EFCAB3: variants seen among roughly 807,000 people sequenced by gnomAD.
The protein encoded by EFCAB3 is EF-hand calcium binding domain 3, also known as EF-hand calcium-binding domain-containing protein 3.
In EFCAB3, 36 loss-of-function variants were observed where a neutral mutation model predicts 42.2. The observed-to-expected ratio is 0.85, with a 90% CI of 0.65 to 1.13. The LOEUF is 1.13. Ranked by LOEUF, EFCAB3 falls within the 50% of genes most tolerant of loss-of-function variation. The probability of loss-of-function intolerance (pLI) is 0.00; values close to 1 mark genes in which losing one functional copy is unlikely to be tolerated. For missense variants in EFCAB3, 418 were observed against 505.1 expected (o/e 0.83, Z 1.65); for synonymous variants, 170 against 172.8 (o/e 0.98, Z 0.13).
chr17:62,379,741 A>C (rs568125511), upstream of EFCAB3, among the ~76,000 whole-genome samples: 1 of 151,944 alleles, frequency 6.6e-6, no homozygotes, highest in Non-Finnish European at 1.5e-5. Flanking sequence ...GACTAAAGAC[A>C]CTCCTAACTC....
intron 2 of EFCAB3, among the ~76,000 whole-genome samples, chr17:62,387,043 T>G (rs1238667951): frequency 6.6e-6 from 1 of 152,220 alleles, no homozygotes; most frequent in South Asian, 2.1e-4. Context: ...CCTCTTGCCT[T>G]GACCTCCCAA....
At chr17:62,378,572 C>G (rs1309374187), upstream of EFCAB3, among the ~76,000 whole-genome samples, 1 of 152,064 alleles carries the variant, frequency 6.6e-6, no homozygotes, top group Non-Finnish European at 1.5e-5. Flanking sequence ...GTGGCACTTG[C>G]CTACTGTAGT....
rs115402083 is a variant in EFCAB3 at position 62,406,417 on chromosome 17, C to T, written c.489-63C>T. On this transcript the variant is annotated intron_variant, in intron 6 of 9. Coordinates refer to ENST00000305286, the MANE Select transcript of EFCAB3 (RefSeq NM_173503.4). ...TCAGCATATGTAACTAGCAACTTGA[C>T]TTTTTAAAATTTTTGTCCTATGTCT... The T allele has an allele frequency of 6.1e-4, 864 of 1,418,318 alleles. 2 individuals carry two copies. The African/African-American group carries it at 0.011, about 18-fold the overall frequency. 87.9% of individuals were successfully genotyped at this position (1,418,318 alleles called of 1,614,324 possible). A position where few individuals can be genotyped will look rare whatever the true frequency, so the allele number is the denominator to read the frequency against.
chr17:62,396,864 G>A (rs1348994118), intron 6 of EFCAB3, among the ~76,000 whole-genome samples: 2 of 152,142 alleles, frequency 1.3e-5, no homozygotes, highest in Non-Finnish European at 2.9e-5. Context: ...GGGCAACAGA[G>A]TGAGACCTTC....
upstream of EFCAB3, among the ~76,000 whole-genome samples, chr17:62,380,062 C>T (rs998846171): frequency 7.9e-5 from 12 of 152,288 alleles, no homozygotes; most frequent in East Asian, 3.9e-4. Context: ...AGTGCAGGGG[C>T]GTGATCTCAG....
intron 4 of EFCAB3, among the ~76,000 whole-genome samples, chr17:62,392,291 C>T (rs1392112080): frequency 6.6e-6 from 1 of 151,230 alleles, no homozygotes; most frequent in African/African-American, 2.4e-5. Flanking sequence ...GGGACACACA[C>T]ATATATGTGT....
At chr17:62,396,498 G>A (rs948927016) in intron 6 of EFCAB3, among the ~76,000 whole-genome samples, 1 of 151,754 alleles carries the variant, frequency 6.6e-6, no homozygotes, top group Non-Finnish European at 1.5e-5. Context: ...GGGTTGCAGT[G>A]AGCCGAGATC....
At chr17:62,409,112 C>G (rs560192376) in intron 8 of EFCAB3, among the ~76,000 whole-genome samples, 2 of 152,268 alleles carry the variant, frequency 1.3e-5, no homozygotes, top group African/African-American at 2.4e-5. Context: ...GGCTGGAATA[C>G]AGTGGCGTGA....
intron 2 of EFCAB3, among the ~76,000 whole-genome samples, chr17:62,384,500 A>T (rs1450209486): frequency 6.6e-6 from 1 of 152,156 alleles, no homozygotes; most frequent in Non-Finnish European, 1.5e-5. Flanking sequence ...TTGTAGTCCC[A>T]GCTACTCAAG....
chr17:62,386,181 C>T (rs2070249084), intron 2 of EFCAB3, among the ~76,000 whole-genome samples: 1 of 151,918 alleles, frequency 6.6e-6, no homozygotes, highest in Non-Finnish European at 1.5e-5. Flanking sequence ...ATCACATTTA[C>T]TTAAATGTAA....
At chr17:62,392,001 A>T (rs2070306991) in intron 4 of EFCAB3, 36 bp downstream of exon 4, 1 of 1,566,372 alleles carries the variant, frequency 6.4e-7, no homozygotes, top group South Asian at 1.2e-5. Context: ...TTTCTCATAA[A>T]AGATTTTTGT....
chr17:62,376,194 T>C (rs941585480), upstream of EFCAB3, among the ~76,000 whole-genome samples: 1 of 152,202 alleles, frequency 6.6e-6, no homozygotes, highest in African/African-American at 2.4e-5. Flanking sequence ...TTTCTTTGGC[T>C]GGGCACGGTG....
chr17:62,402,025 C>G (rs1222495269), intron 6 of EFCAB3, among the ~76,000 whole-genome samples: 1 of 152,044 alleles, frequency 6.6e-6, no homozygotes, highest in East Asian at 1.9e-4. Context: ...AGTTGGATTC[C>G]TAGGTATTTT....
chr17:62,386,398 T>G (rs1448432565), intron 2 of EFCAB3, among the ~76,000 whole-genome samples: 3 of 152,076 alleles, frequency 2.0e-5, no homozygotes. Flanking sequence ...TTTATTTCAC[T>G]CTCTTATACA....
chr17:62,405,017 T>C (rs569621111), intron 6 of EFCAB3, among the ~76,000 whole-genome samples: 10 of 152,330 alleles, frequency 6.6e-5, no homozygotes, highest in South Asian at 6.2e-4. Flanking sequence ...TTAAAACACA[T>C]TGCTAGGCTA....
Position 62,395,087 on chromosome 17 carries a change from T to G in EFCAB3, c.387T>G (p.Cys129Trp). Residue 129 changes from cysteine (C) to tryptophan (W), a missense_variant, in exon 6 of 10, where the codon TGT becomes TGG. By Grantham distance (215) the Cys-to-Trp change is radical. Transcript: ENST00000305286. ...LKAVVPEKET[C>W]LDLAGNPGIL... Reference sequence around the variant, plus strand: ...CCATAGTTCCAGAAAAGGAGACCTGTTTAGATTTGGCTGGCAACCCAGGAA... The same window carrying G: ...CCATAGTTCCAGAAAAGGAGACCTGGTTAGATTTGGCTGGCAACCCAGGAA... The G allele has an allele frequency of 6.2e-7, 1 of 1,614,126 alleles. No homozygotes were observed. The highest frequency in any genetic ancestry group is 8.5e-7 in the Non-Finnish European group (1 of 1,180,030).
chr17:62,386,813 G>A (rs904930711), intron 2 of EFCAB3, among the ~76,000 whole-genome samples: 14 of 151,808 alleles, frequency 9.2e-5, no homozygotes, highest in African/African-American at 3.4e-4. Flanking sequence ...TTTTGAGATA[G>A]GGTCTCACTC....
chr17:62,382,848 C>G, intron 1 of EFCAB3, 115 bp from the exon 2 acceptor site: 1 of 774,052 alleles, frequency 1.3e-6, no homozygotes, highest in East Asian at 2.9e-5. Flanking sequence ...CATCTATTAC[C>G]ATTTCTTGAG....
chr17:62,391,323 T>A lies in EFCAB3; in HGVS notation c.152-499T>A, dbSNP rs547141495. Reference sequence around the variant, plus strand: ...TTCTTGCAGGGCTGACATTCCAGTTTCTTTGCTGTTTATCAGCCAGGAGCT... The same window carrying A: ...TTCTTGCAGGGCTGACATTCCAGTTACTTTGCTGTTTATCAGCCAGGAGCT... On this transcript the variant is annotated intron_variant, in intron 3 of 9. Coordinates refer to ENST00000305286, the MANE Select transcript of EFCAB3 (RefSeq NM_173503.4). Among the ~76,000 whole-genome samples the A allele has an allele frequency of 2.3e-4, 35 of 152,062 alleles. 1 individual carries two copies. The South Asian group carries it at 6.9e-3, about 30-fold the overall frequency.
Sources: gnomAD v4.1 joint callset for allele counts (sites outside exome capture counted in the v4.1 genomes callset) on GRCh38, gnomAD v4.1.1 for gene constraint, MANE v1.5 for transcripts, NCBI Gene and HGNC (gene_info 2026-07-23, HGNC 2026-07-21) for gene names.